The following SNRNP40 variants were observed in gnomAD, a reference collection of about 807,000 sequenced individuals.
SNRNP40 encodes the protein small nuclear ribonucleoprotein U5 subunit 40.
A neutral mutation model predicts 45.8 loss-of-function variants in SNRNP40; 21 were observed. That is an observed-to-expected ratio of 0.46 (90% confidence interval 0.32 to 0.66). SNRNP40 has a LOEUF of 0.66. SNRNP40 is among the 30% of genes least tolerant of loss of function. The probability of loss-of-function intolerance (pLI) is 0.03; values close to 1 mark genes in which losing one functional copy is unlikely to be tolerated. For missense variants in SNRNP40, 344 were observed against 439.1 expected (o/e 0.78, Z 1.94); for synonymous variants, 142 against 163.8 (o/e 0.87, Z 1.01).
At chr1:31,272,780 T>A (rs559130561) in intron 5 of SNRNP40, among the ~76,000 whole-genome samples, 1 of 152,344 alleles carries the variant, frequency 6.6e-6, no homozygotes, top group South Asian at 2.1e-4. Context: ...AAACAGTATT[T>A]ATCTTTACAC....
chr1:31,267,740 G>A, intron 8 of SNRNP40, 131 bp downstream of exon 8: 1 of 656,650 alleles, frequency 1.5e-6, no homozygotes, highest in Non-Finnish European at 2.8e-6. Flanking sequence ...TCTCCATGTT[G>A]GTCAGGCTGG....
intron 1 of SNRNP40, among the ~76,000 whole-genome samples, chr1:31,293,554 T>C (rs1180731567): frequency 6.6e-6 from 1 of 152,210 alleles, no homozygotes; most frequent in African/African-American, 2.4e-5. Flanking sequence ...ATAATGACTC[T>C]CTTGTTCACT....
chr1:31,271,645 T>A (rs2148382913), intron 5 of SNRNP40, 146 bp from the exon 6 acceptor site: 1 of 755,558 alleles, frequency 1.3e-6, no homozygotes, highest in African/African-American at 2.4e-5. Flanking sequence ...AAAAACACCT[T>A]TTTTTAATTT....
At chr1:31,260,590 A>G (rs1645851476) in intron 9 of SNRNP40, among the ~76,000 whole-genome samples, 1 of 152,110 alleles carries the variant, frequency 6.6e-6, no homozygotes, top group Non-Finnish European at 1.5e-5. Context: ...GGCCGGGCGC[A>G]GTGGCTCACA....
intron 4 of SNRNP40, among the ~76,000 whole-genome samples, chr1:31,283,824 C>G (rs998474711): frequency 6.6e-6 from 1 of 152,248 alleles, no homozygotes; most frequent in African/African-American, 2.4e-5. Flanking sequence ...GCTAAGACAA[C>G]TGGCTAACCA....
chr1:31,280,276 C>T (rs1646006528), intron 5 of SNRNP40, among the ~76,000 whole-genome samples: 1 of 150,140 alleles, frequency 6.7e-6, no homozygotes, highest in Non-Finnish European at 1.5e-5. Flanking sequence ...TAATCTCCTG[C>T]CTTAGCCTCC....
chr1:31,276,601 C>A (rs951717359), intron 5 of SNRNP40, among the ~76,000 whole-genome samples: 1 of 152,088 alleles, frequency 6.6e-6, no homozygotes, highest in African/African-American at 2.4e-5. Context: ...GAAAAGAGAT[C>A]ATGGCTGGGC....
At chr1:31,266,908 C>A (rs1016339137) in intron 8 of SNRNP40, among the ~76,000 whole-genome samples, 2 of 152,226 alleles carry the variant, frequency 1.3e-5, no homozygotes, top group Non-Finnish European at 2.9e-5. Flanking sequence ...ATTCCCTAAT[C>A]TCTAGGAGAA....
chr1:31,277,533 G>A (rs1645984222), intron 5 of SNRNP40, among the ~76,000 whole-genome samples: 1 of 152,136 alleles, frequency 6.6e-6, no homozygotes, highest in Admixed American at 6.5e-5. Flanking sequence ...ATTAGGAAAA[G>A]TCTATACTGA....
intron 9 of SNRNP40, chr1:31,260,827 C>A (rs36125997): frequency 0.15 from 48,956 of 326,914 alleles, 4,521 homozygotes; most frequent in Non-Finnish European, 0.18. Flanking sequence ...CGTGCCACTG[C>A]ACTCCAGCCT....
chr1:31,293,726 C>A (rs1389002528), intron 1 of SNRNP40, among the ~76,000 whole-genome samples: 1 of 152,144 alleles, frequency 6.6e-6, no homozygotes, highest in Non-Finnish European at 1.5e-5. Context: ...GGACTACAGG[C>A]ATGAACTAGC....
chr1:31,277,028 C>T (rs543533975), intron 5 of SNRNP40, among the ~76,000 whole-genome samples: 1 of 151,412 alleles, frequency 6.6e-6, no homozygotes, highest in South Asian at 2.1e-4. Context: ...GAGTGAAACT[C>T]CGTCTCAAAA....
rs1038382729 is a variant in SNRNP40, at chr1:31,273,969, GT to G, written c.655-2471del. Among the ~76,000 whole-genome samples the G allele has an allele frequency of 6.1e-5, 9 of 147,568 alleles. No homozygotes were observed. The East Asian group carries it at 1.2e-3, about 19-fold the overall frequency. On this transcript the variant is annotated intron_variant, in intron 5 of 9. Transcript: ENST00000263694. The stretch of plus-strand genomic sequence containing the variant: ...AAGAAGGAAGTTTTTTTTTGTTTTT[GT>G]TTTTTTTTTAACTTAGACAAAGTGG...
At chr1:31,278,355 GACGAGGGCATCAATCAA>G (rs1390680875) in intron 5 of SNRNP40, among the ~76,000 whole-genome samples, 13 of 152,204 alleles carry the variant, frequency 8.5e-5, no homozygotes, top group Admixed American at 3.9e-4. Flanking sequence ...TCACAGTGGA[GACGAGGGCATCAATCAA>G]ATTTGGTACT....
At chr1:31,273,856 G>A (rs1037714956) in intron 5 of SNRNP40, among the ~76,000 whole-genome samples, 1 of 152,148 alleles carries the variant, frequency 6.6e-6, no homozygotes, top group Non-Finnish European at 1.5e-5. Context: ...AGTTGCATAC[G>A]GGTCAGAGGG....
At chr1:31,282,518 T>TCTATCTATCTAC (rs1553166895) in intron 4 of SNRNP40, 1 of 144,524 alleles carries the variant, frequency 6.9e-6, no homozygotes, top group Admixed American at 6.9e-5. Context: ...TATCTATCTA[T>TCTATCTATCTAC]CTATCTAATC....
At chr1:31,275,288 G>A (rs758650269) in intron 5 of SNRNP40, among the ~76,000 whole-genome samples, 3 of 152,168 alleles carry the variant, frequency 2.0e-5, no homozygotes, top group Non-Finnish European at 2.9e-5. Context: ...TTGAAAAGGA[G>A]CCTCTCCTTT....
intron 4 of SNRNP40, among the ~76,000 whole-genome samples, chr1:31,283,700 AG>A (rs1285582872): frequency 1.1e-4 from 16 of 152,252 alleles, no homozygotes; most frequent in Admixed American, 7.2e-4. Context: ...TAATTTCCAG[AG>A]TCACCACGCT....
At chr1:31,288,416 G>C (rs1646077228) in intron 4 of SNRNP40, among the ~76,000 whole-genome samples, 1 of 152,210 alleles carries the variant, frequency 6.6e-6, no homozygotes, top group Admixed American at 6.5e-5. Flanking sequence ...AGGATGCTCA[G>C]TGAGATCAGT....
Sources: gnomAD v4.1 joint callset for allele counts (sites outside exome capture counted in the v4.1 genomes callset) on GRCh38, gnomAD v4.1.1 for gene constraint, MANE v1.5 for transcripts, NCBI Gene and HGNC (gene_info 2026-07-23, HGNC 2026-07-21) for gene names.